Variants in WDFY3 observed in about 807,000 individuals in gnomAD.
WDFY3 encodes the protein WD repeat and FYVE domain containing 3.
WDFY3 carries 66 observed loss-of-function variants against 409.6 expected under a neutral mutation model. That is an observed-to-expected ratio of 0.16 (90% CI 0.13 to 0.20). The LOEUF is 0.20. Ranked by LOEUF, WDFY3 falls within the 10% of genes least tolerant of loss-of-function variation. The pLI, the probability that WDFY3 is intolerant of heterozygous loss-of-function variation, is 1.00. For missense variants in WDFY3, 3,031 were observed against 4,298.1 expected (o/e 0.71, Z 8.24); for synonymous variants, 1,521 against 1,537.1 (o/e 0.99, Z 0.25).
rs563871431 is a variant in WDFY3, at chr4:84,817,660, A to C, written c.1694-75T>G. ...AGACAAGTCAGATGAATTAACATTC[A>C]GTTATTTTTTGTAGGTAAAGTAACT... On this transcript the variant is annotated intron_variant, in intron 12 of 67. Transcript: ENST00000295888. 3.0e-6 allele frequency: 4 copies of C among 1,338,770 alleles called. No homozygotes were observed. The East Asian group carries it at 9.6e-5, about 32-fold the overall frequency. 82.9% of individuals were successfully genotyped at this position (1,338,770 alleles called of 1,614,324 possible). A position where few individuals can be genotyped will look rare whatever the true frequency, so the allele number is the denominator to read the frequency against.
At chr4:84,802,708 G>C (rs1750823108) in intron 16 of WDFY3, among the ~76,000 whole-genome samples, 1 of 152,172 alleles carries the variant, frequency 6.6e-6, no homozygotes, top group African/African-American at 2.4e-5. Context: ...CAGGCAGCTG[G>C]ACTCTATTCT....
chr4:84,768,672 C>G (rs757861298), intron 30 of WDFY3, among the ~76,000 whole-genome samples: 17 of 152,192 alleles, frequency 1.1e-4, no homozygotes, highest in Non-Finnish European at 2.1e-4. Flanking sequence ...CCTAGCCATC[C>G]AAGAGCTCTG....
chr4:84,768,797 T>C (rs1300921251), intron 30 of WDFY3, among the ~76,000 whole-genome samples: 1 of 152,240 alleles, frequency 6.6e-6, no homozygotes, highest in Non-Finnish European at 1.5e-5. Context: ...TTTTATTATT[T>C]AAGAAATACA....
intron 4 of WDFY3, among the ~76,000 whole-genome samples, chr4:84,853,228 T>A (rs1457114367): frequency 2.0e-5 from 3 of 152,224 alleles, no homozygotes; most frequent in Non-Finnish European, 2.9e-5. Context: ...AGTGGTGCAA[T>A]GGCACAATCT....
chr4:84,946,758 C>G (rs1428050554), intron 1 of WDFY3, among the ~76,000 whole-genome samples: 1 of 152,042 alleles, frequency 6.6e-6, no homozygotes, highest in East Asian at 1.9e-4. Context: ...TACCCTGGCT[C>G]TAGTACAGAC....
chr4:84,792,176 T>A (rs935559471), intron 21 of WDFY3, among the ~76,000 whole-genome samples: 1 of 152,218 alleles, frequency 6.6e-6, no homozygotes, highest in Non-Finnish European at 1.5e-5. Flanking sequence ...CTGCACATAC[T>A]TAAATACCAA....
intron 11 of WDFY3, 129 bp downstream of exon 11, chr4:84,820,955 C>G: frequency 1.0e-6 from 1 of 964,722 alleles, no homozygotes. Flanking sequence ...ATACAGTTCA[C>G]TAATATGTCA....
At chr4:84,880,670 CATACAT>C (rs1763370080) in intron 3 of WDFY3, among the ~76,000 whole-genome samples, 2 of 55,218 alleles carry the variant, frequency 3.6e-5, no homozygotes, top group African/African-American at 1.6e-4. Context: ...ATAAGGGAAC[CATACAT>C]ATATATATAT....
chr4:84,952,377 A>C (rs1773717998), intron 1 of WDFY3, among the ~76,000 whole-genome samples: 1 of 152,216 alleles, frequency 6.6e-6, no homozygotes, highest in African/African-American at 2.4e-5. Flanking sequence ...AAGCAAACTC[A>C]AAAGATTTTC....
chr4:84,761,171 T>C (rs1198367892), intron 32 of WDFY3, among the ~76,000 whole-genome samples: 20 of 151,918 alleles, frequency 1.3e-4, no homozygotes, highest in Non-Finnish European at 2.2e-4. Flanking sequence ...GTCTGAGAGA[T>C]AGTTTGTTAT....
At chr4:84,937,600 G>A (rs573565957) in intron 1 of WDFY3, among the ~76,000 whole-genome samples, 1 of 152,124 alleles carries the variant, frequency 6.6e-6, no homozygotes, top group East Asian at 1.9e-4. Flanking sequence ...CTTTCTCATC[G>A]AAGTAGCCAG....
chr4:84,844,598 C>T, intron 5 of WDFY3: 1 of 1,108,714 alleles, frequency 9.0e-7, no homozygotes. Flanking sequence ...CAACATCATC[C>T]AGTCTCTCCA....
intron 3 of WDFY3, among the ~76,000 whole-genome samples, chr4:84,876,906 T>G (rs1447703742): frequency 1.3e-5 from 2 of 152,208 alleles, no homozygotes. Context: ...AAAAATTACA[T>G]TAATCATTTG....
At chr4:84,689,442 T>C (rs1304102919) in intron 61 of WDFY3, among the ~76,000 whole-genome samples, 2 of 152,238 alleles carry the variant, frequency 1.3e-5, no homozygotes, top group African/African-American at 4.8e-5. Flanking sequence ...ATAATTTGAA[T>C]CAGCAAAATG....
chr4:84,875,528 T>C (rs1293254533), intron 3 of WDFY3, among the ~76,000 whole-genome samples: 13 of 152,174 alleles, frequency 8.5e-5, no homozygotes, highest in Admixed American at 8.5e-4. Context: ...CTTTCTCCAA[T>C]AATAAATTAA....
intron 23 of WDFY3, 58 bp downstream of exon 23, chr4:84,787,424 T>G: frequency 6.6e-7 from 1 of 1,505,234 alleles, no homozygotes; most frequent in African/African-American, 1.4e-5. Flanking sequence ...CACACATGCA[T>G]CTATATTGCA....
chr4:84,879,664 C>G (rs944380627), intron 3 of WDFY3, among the ~76,000 whole-genome samples: 3 of 151,480 alleles, frequency 2.0e-5, no homozygotes, highest in African/African-American at 7.3e-5. Flanking sequence ...AACTTCTGTA[C>G]ATCAAAATAA....
intron 27 of WDFY3, among the ~76,000 whole-genome samples, chr4:84,775,725 C>A (rs1304388469): frequency 4.0e-5 from 6 of 151,242 alleles, no homozygotes; most frequent in Non-Finnish European, 5.9e-5. Context: ...CTAAAAAATT[C>A]AAATGTGATG....
chr4:84,692,291 G>A (rs1328722967), intron 59 of WDFY3, among the ~76,000 whole-genome samples: 1 of 152,172 alleles, frequency 6.6e-6, no homozygotes, highest in Non-Finnish European at 1.5e-5. Flanking sequence ...GCACAGAGCA[G>A]AGTCTGTGTA....
Sources: allele counts gnomAD v4.1 joint callset (sites outside exome capture counted in the v4.1 genomes callset), GRCh38; gene constraint gnomAD v4.1.1; transcripts MANE v1.5; gene names NCBI Gene and HGNC (gene_info 2026-07-23, HGNC 2026-07-21).